The following NFKB1 variants were observed in gnomAD, a reference collection of about 807,000 sequenced individuals.
NFKB1 encodes nuclear factor kappa B subunit 1, also known as nuclear factor NF-kappa-B p105 subunit.
In NFKB1, 9 loss-of-function variants were observed where a neutral mutation model predicts 105.1. That is an observed-to-expected ratio of 0.09 (90% CI 0.05 to 0.15). The LOEUF is 0.15. NFKB1 is among the 10% of genes least tolerant of loss of function. The pLI is 1.00. For missense variants in NFKB1, 830 were observed against 1,203.7 expected, an observed-to-expected ratio of 0.69 and a Z score of 4.59; for synonymous variants, 440 against 442.2, an observed-to-expected ratio of 1.00 and a Z score of 0.06.
chr4:102,511,852 C>G (rs1350403311), intron 1 of NFKB1, among the ~76,000 whole-genome samples: 1 of 152,208 alleles, frequency 6.6e-6, no homozygotes, highest in Non-Finnish European at 1.5e-5. Context: ...GGCAGCACTG[C>G]AAAAGCATCC....
intron 1 of NFKB1, among the ~76,000 whole-genome samples, chr4:102,510,011 A>T (rs1173368477): frequency 1.3e-5 from 2 of 151,910 alleles, no homozygotes; most frequent in Admixed American, 6.6e-5. Context: ...CAAATCCTCC[A>T]CACCGACTTT....
At chr4:102,506,563 T>C (rs1423215473) in intron 1 of NFKB1, among the ~76,000 whole-genome samples, 1 of 152,202 alleles carries the variant, frequency 6.6e-6, no homozygotes, top group African/African-American at 2.4e-5. Flanking sequence ...TATTTTTCAG[T>C]TGTAGCATTT....
chr4:102,505,637 G>A (rs1485447580), intron 1 of NFKB1, among the ~76,000 whole-genome samples: 2 of 152,082 alleles, frequency 1.3e-5, no homozygotes, highest in Admixed American at 1.3e-4. Flanking sequence ...TTTAAACTGT[G>A]ACAAATTTTG....
intron 15 of NFKB1, among the ~76,000 whole-genome samples, chr4:102,598,723 C>T (rs1443144099): frequency 6.6e-6 from 1 of 152,188 alleles, no homozygotes; most frequent in Non-Finnish European, 1.5e-5. Flanking sequence ...CAAGACAGTA[C>T]AGCAGTGTTT....
At chr4:102,534,854 A>G (rs182695780) in intron 4 of NFKB1, among the ~76,000 whole-genome samples, 1 of 152,306 alleles carries the variant, frequency 6.6e-6, no homozygotes, top group Admixed American at 6.5e-5. Context: ...TCACAAGCTT[A>G]AATAAAGCAT....
At chr4:102,524,879 G>A (rs1011979289) in intron 1 of NFKB1, among the ~76,000 whole-genome samples, 8 of 152,202 alleles carry the variant, frequency 5.3e-5, no homozygotes, top group Non-Finnish European at 1.2e-4. Flanking sequence ...TAATGCAAGC[G>A]ATGGGGAGCA....
At chr4:102,544,684 A>G (rs1721994765) in intron 5 of NFKB1, among the ~76,000 whole-genome samples, 2 of 152,126 alleles carry the variant, frequency 1.3e-5, no homozygotes. Flanking sequence ...TTTGTAAAAT[A>G]TTTTTTTAAA....
Position 102,539,254 on chromosome 4 carries a change from A to AG in NFKB1, c.258+1298_258+1299insG, listed in dbSNP as rs1442809539. On this transcript the variant is annotated intron_variant, in intron 5 of 23. Coordinates refer to ENST00000226574, the MANE Select transcript of NFKB1 (RefSeq NM_003998.4). ...TCTGTCTCAAAAAAAAAAAAAAAAA[A>AG]AAAGAAAGAAATCAGTCTTTGGTTT... 8.1e-3 allele frequency among the ~76,000 whole-genome samples: 1,223 copies of AG among 150,924 alleles called. 6 individuals are homozygous for AG. The highest frequency in any genetic ancestry group is 0.034 in the Middle Eastern group (10 of 292).
intron 3 of NFKB1, among the ~76,000 whole-genome samples, chr4:102,533,059 T>A (rs534642279): frequency 8.5e-5 from 13 of 152,350 alleles, no homozygotes; most frequent in Non-Finnish European, 1.5e-4. Context: ...TGCATGTACC[T>A]ATCTTCAATT....
chr4:102,579,871 C>T (rs895006290), intron 8 of NFKB1, among the ~76,000 whole-genome samples: 3 of 151,450 alleles, frequency 2.0e-5, no homozygotes, highest in African/African-American at 7.3e-5. Context: ...AGTACAACAA[C>T]TAACTGAATT....
intron 1 of NFKB1, among the ~76,000 whole-genome samples, chr4:102,508,710 A>G (rs997677570): frequency 1.3e-5 from 2 of 152,178 alleles, no homozygotes; most frequent in Non-Finnish European, 1.5e-5. Context: ...CATCGTTTGT[A>G]TATGTGTATG....
chr4:102,588,600 G>A (rs935698285), intron 11 of NFKB1, among the ~76,000 whole-genome samples: 6 of 152,094 alleles, frequency 3.9e-5, no homozygotes, highest in Admixed American at 3.9e-4. Flanking sequence ...TGAGAATGAG[G>A]TACTTTTAAG....
chr4:102,531,928 G>A (rs1040020416), intron 3 of NFKB1, among the ~76,000 whole-genome samples: 1 of 152,260 alleles, frequency 6.6e-6, no homozygotes, highest in South Asian at 2.1e-4. Context: ...TTAGAGGACT[G>A]TCTTGATATG....
Position 102,616,802 on chromosome 4 carries a change from G to C in NFKB1, c.*208G>C. On this transcript the variant is annotated 3_prime_UTR_variant, in exon 24 of 24. Transcript: ENST00000226574. ...TTGGTTCACTTACAGATAGTATCTAGCAATCACAACACTGGCTGAGCGGAT... is the reference window on the plus strand; with the variant it reads ...TTGGTTCACTTACAGATAGTATCTACCAATCACAACACTGGCTGAGCGGAT... 2 of 505,818 alleles carry C rather than the reference G, an allele frequency of 4.0e-6. No individual in the cohort carries two copies. Among genetic ancestry groups the C allele is most frequent in the South Asian group, 5.1e-5 (2 of 39,034 alleles). 31.3% of individuals were successfully genotyped at this position (505,818 alleles called of 1,614,324 possible). A position where few individuals can be genotyped will look rare whatever the true frequency, so the allele number is the denominator to read the frequency against.
Position 102,572,769 on chromosome 4 carries a change from T to C in NFKB1, c.408-4107T>C, listed in dbSNP as rs1021543971. 3.3e-5 allele frequency among the ~76,000 whole-genome samples: 5 copies of C among 152,240 alleles called. No individual in the cohort carries two copies. The South Asian group carries it at 8.3e-4, about 25-fold the overall frequency. ...GAAAAGTATCTAAAACAGTCACTTATCTTTTAAAGAAACTTTTTAAATCAG... is the reference window on the plus strand; with the variant it reads ...GAAAAGTATCTAAAACAGTCACTTACCTTTTAAAGAAACTTTTTAAATCAG... On this transcript the variant is annotated intron_variant, in intron 6 of 23. Coordinates refer to ENST00000226574, the MANE Select transcript of NFKB1 (RefSeq NM_003998.4).
At chr4:102,612,702 C>T (rs1578837734) in intron 22 of NFKB1, 96 bp downstream of exon 22, 2 of 1,236,750 alleles carry the variant, frequency 1.6e-6, no homozygotes, top group East Asian at 2.4e-5. Context: ...TTCCTTAACT[C>T]TGAAGAAGAA....
At chr4:102,564,905 C>A (rs896288778) in intron 5 of NFKB1, among the ~76,000 whole-genome samples, 3 of 152,168 alleles carry the variant, frequency 2.0e-5, no homozygotes, top group Non-Finnish European at 4.4e-5. Flanking sequence ...TTCTTTCACT[C>A]TTGATTTATT....
At chr4:102,613,716 C>A (rs532742417) in intron 23 of NFKB1, 135 bp downstream of exon 23, 28 of 1,036,990 alleles carry the variant, frequency 2.7e-5, no homozygotes, top group Middle Eastern at 3.2e-4. Context: ...CTCTCTACCC[C>A]CTGGGCTCAC....
At chr4:102,605,600 GAA>G (rs1727644478) in intron 16 of NFKB1, among the ~76,000 whole-genome samples, 1 of 152,148 alleles carries the variant, frequency 6.6e-6, no homozygotes, top group African/African-American at 2.4e-5. Flanking sequence ...ACTCATTTTT[GAA>G]AACACACAGT....
Sources: allele counts gnomAD v4.1 joint callset (sites outside exome capture counted in the v4.1 genomes callset), GRCh38; gene constraint gnomAD v4.1.1; transcripts MANE v1.5; gene names NCBI Gene and HGNC (gene_info 2026-07-23, HGNC 2026-07-21).